Variants in ADAM19 observed in about 807,000 individuals in gnomAD.
ADAM19 encodes the protein ADAM metallopeptidase domain 19.
ADAM19 carries 65 observed loss-of-function variants against 114.7 expected under a neutral mutation model. The observed-to-expected ratio is 0.57, with a 90% CI of 0.46 to 0.70. ADAM19 has a LOEUF of 0.70. ADAM19 is among the 30% of genes least tolerant of loss of function. The pLI, the probability that ADAM19 is intolerant of heterozygous loss-of-function variation, is 0.00. For missense variants in ADAM19, 1,063 were observed against 1,204.7 expected (o/e 0.88, Z 1.74); for synonymous variants, 466 against 460.5 (o/e 1.01, Z -0.15).
At chr5:157,536,916 G>T (rs183320832) in intron 4 of ADAM19, among the ~76,000 whole-genome samples, 1 of 152,268 alleles carries the variant, frequency 6.6e-6, no homozygotes, top group East Asian at 1.9e-4. Context: ...AAAGGCAAAG[G>T]CCACTGCTGC....
intron 8 of ADAM19, among the ~76,000 whole-genome samples, 195 bp from the exon 9 acceptor site, chr5:157,509,662 G>A (rs1755854512): frequency 6.6e-6 from 1 of 152,300 alleles, no homozygotes; most frequent in Admixed American, 6.5e-5. Flanking sequence ...TCTGCCCATG[G>A]CTCCAACAGA....
intron 5 of ADAM19, among the ~76,000 whole-genome samples, chr5:157,523,959 C>T (rs1756381695): frequency 6.6e-6 from 1 of 152,214 alleles, no homozygotes; most frequent in African/African-American, 2.4e-5. Flanking sequence ...GTCGTTCCAG[C>T]AATAGGATTC....
chr5:157,535,732 C>A (rs1756746029), intron 4 of ADAM19, among the ~76,000 whole-genome samples: 1 of 152,262 alleles, frequency 6.6e-6, no homozygotes, highest in Admixed American at 6.5e-5. Flanking sequence ...GTCATGAAGT[C>A]ATTGCATTCC....
At chr5:157,499,777 T>G in intron 12 of ADAM19, 115 bp from the exon 13 acceptor site, 5 of 434,640 alleles carry the variant, frequency 1.2e-5, no homozygotes, top group Admixed American at 4.3e-5. Context: ...CTATCTCTTT[T>G]TTTTTTTTTT....
intron 10 of ADAM19, among the ~76,000 whole-genome samples, chr5:157,506,310 G>A (rs1004021534): frequency 1.3e-5 from 2 of 152,208 alleles, no homozygotes; most frequent in Non-Finnish European, 2.9e-5. Flanking sequence ...AACCCAGCAG[G>A]AAAGAAGCAG....
At position 157,477,949 on chromosome 5, in the gene ADAM19, G is replaced by C. The variant is rs764445314; in HGVS notation, c.*3000C>G. On this transcript the variant is annotated 3_prime_UTR_variant, in exon 23 of 23. Transcript: ENST00000257527. The stretch of plus-strand genomic sequence containing the variant: ...GGCAGAAAAAGGCTTTACTTTTATA[G>C]GGAGAAGTCAGCAAGGCTGAAAGGA... 3.1e-6 allele frequency: 1 copy of C among 321,230 alleles called. No individual in the cohort carries two copies. The highest frequency in any genetic ancestry group is 3.9e-5 in the Admixed American group (1 of 25,626). 19.9% of individuals were successfully genotyped at this position (321,230 alleles called of 1,614,324 possible).
At position 157,544,412 on chromosome 5, in the gene ADAM19, C is replaced by A. The variant is rs561532738; in HGVS notation, c.252-6421G>T. The stretch of plus-strand genomic sequence containing the variant: ...TTCTCCCAGTCCGCACAAGACCTGG[C>A]ACCCTTCCGACCAGTTTCTGGTCCT... On this transcript the variant is annotated intron_variant, in intron 3 of 22. Coordinates refer to ENST00000257527, the MANE Select transcript of ADAM19 (RefSeq NM_033274.5). Among the ~76,000 whole-genome samples the A allele has an allele frequency of 2.4e-3, 369 of 152,360 alleles. 3 individuals are homozygous for A. Among genetic ancestry groups the A allele is most frequent in the African/African-American group, 8.4e-3 (351 of 41,586 alleles).
At chr5:157,527,805 T>C (rs1277069323) in intron 5 of ADAM19, among the ~76,000 whole-genome samples, 1 of 152,172 alleles carries the variant, frequency 6.6e-6, no homozygotes, top group Non-Finnish European at 1.5e-5. Flanking sequence ...GAAAGAGATG[T>C]TATCTTTCAT....
At chr5:157,506,992 G>A in intron 10 of ADAM19, 64 bp downstream of exon 10, 1 of 1,327,344 alleles carries the variant, frequency 7.5e-7, no homozygotes. Flanking sequence ...TTCAAAAGAT[G>A]ACCTCTGGTC....
intron 3 of ADAM19, among the ~76,000 whole-genome samples, chr5:157,541,619 C>G (rs1756921030): frequency 6.6e-6 from 1 of 152,136 alleles, no homozygotes. Flanking sequence ...TTAGGTCACT[C>G]TCTAGGGAAG....
chr5:157,538,599 T>C (rs2113764426), intron 3 of ADAM19, among the ~76,000 whole-genome samples: 1 of 152,328 alleles, frequency 6.6e-6, no homozygotes, highest in Non-Finnish European at 1.5e-5. Flanking sequence ...TGCCTGCCCT[T>C]TCGGACACTT....
chr5:157,511,028 G>A (rs1054928639), intron 8 of ADAM19, among the ~76,000 whole-genome samples: 3 of 152,110 alleles, frequency 2.0e-5, no homozygotes, highest in African/African-American at 4.8e-5. Context: ...GATCTGACTC[G>A]ACCTCCTCGA....
intron 21 of ADAM19, among the ~76,000 whole-genome samples, chr5:157,486,389 C>T (rs1294442871): frequency 6.6e-6 from 1 of 152,174 alleles, no homozygotes; most frequent in African/African-American, 2.4e-5. Flanking sequence ...CACCTGGGAC[C>T]CGGGGCCCAG....
intron 3 of ADAM19, among the ~76,000 whole-genome samples, chr5:157,538,906 T>C (rs992275825): frequency 6.6e-6 from 1 of 152,208 alleles, no homozygotes; most frequent in African/African-American, 2.4e-5. Context: ...GGCTCACACC[T>C]GTAATCCCAG....
intron 22 of ADAM19, chr5:157,481,585 A>C: frequency 6.6e-7 from 1 of 1,515,612 alleles, no homozygotes; most frequent in South Asian, 1.3e-5. Context: ...ACAGCTCAGG[A>C]TTCTAAGAAT....
intron 2 of ADAM19, chr5:157,566,150 A>G (rs1180321714): frequency 6.6e-6 from 1 of 151,566 alleles, no homozygotes; most frequent in Admixed American, 6.6e-5. Context: ...AATGTAACCT[A>G]ACTGTCCTAA....
At chr5:157,488,234 C>T (rs772172905) in intron 21 of ADAM19, 31 bp downstream of exon 21, 1 of 1,595,620 alleles carries the variant, frequency 6.3e-7, no homozygotes, top group African/African-American at 1.3e-5. Flanking sequence ...AAGCAATGTT[C>T]CCAGCCCAAG....
chr5:157,524,345 A>G (rs1561542987), intron 5 of ADAM19, among the ~76,000 whole-genome samples: 1 of 152,184 alleles, frequency 6.6e-6, no homozygotes, highest in African/African-American at 2.4e-5. Context: ...TCTCCATCCT[A>G]TTGCTCATCG....
chr5:157,570,611 C>A (rs1008363618), intron 2 of ADAM19: 136 of 317,352 alleles, frequency 4.3e-4, no homozygotes, highest in South Asian at 1.1e-3. Context: ...GAATTCCAAT[C>A]AAGACTAAGT....
Sources: allele counts gnomAD v4.1 joint callset (sites outside exome capture counted in the v4.1 genomes callset), GRCh38; gene constraint gnomAD v4.1.1; transcripts MANE v1.5; gene names NCBI Gene and HGNC (gene_info 2026-07-23, HGNC 2026-07-21).